MTREX: variants seen among roughly 807,000 people sequenced by gnomAD.
MTREX encodes the protein Mtr4 exosome RNA helicase, also known as exosome RNA helicase MTR4.
A neutral mutation model predicts 135.4 loss-of-function variants in MTREX; 76 were observed. That is an observed-to-expected ratio of 0.56 (90% CI 0.47 to 0.68). The LOEUF (loss-of-function observed/expected upper bound fraction) is 0.68, where lower values mean the gene tolerates loss of function less well. Ranked by LOEUF, MTREX falls within the 30% of genes least tolerant of loss-of-function variation. MTREX has a pLI of 0.00. For missense variants in MTREX, 920 were observed against 1,262.1 expected, an observed-to-expected ratio of 0.73 and a Z score of 4.11; for synonymous variants, 404 against 401.6, an observed-to-expected ratio of 1.01 and a Z score of -0.07.
intron 20 of MTREX, among the ~76,000 whole-genome samples, chr5:55,398,321 T>A (rs1417865016): frequency 6.6e-6 from 1 of 151,620 alleles, no homozygotes; most frequent in Non-Finnish European, 1.5e-5. Context: ...GCATTTACTG[T>A]GCAGTGAAGG....
At chr5:55,308,215 C>T (rs1405560300) in intron 1 of MTREX, 68 bp downstream of exon 1, 13 of 1,497,342 alleles carry the variant, frequency 8.7e-6, no homozygotes, top group Non-Finnish European at 1.1e-5. Flanking sequence ...ACACTACTCT[C>T]TTAGGAAGAG....
At position 55,345,195 on chromosome 5, in the gene MTREX, A is replaced by G; in HGVS notation, c.1107A>G (p.Lys369=). 6.3e-7 allele frequency: 1 copy of G among 1,595,212 alleles called. No individual in the cohort carries two copies. Among genetic ancestry groups the G allele is most frequent in the Non-Finnish European group, 8.6e-7 (1 of 1,163,944 alleles). ...GDQKGRKGGT[K]GPSNVFKIVK... is the part of the protein sequence containing the mutation. ...AGAAAGGGCGGAAAGGAGGAACAAA[A>G]GGTAATTTGGAACTTTGCTTTGAGA... Residue 369 remains lysine (K), a splice_region_variant and synonymous_variant, in exon 10 of 27, where the codon AAA becomes AAG. Transcript: ENST00000230640.
chr5:55,405,580 G>A lies in MTREX; in HGVS notation c.2637G>A (p.Glu879=). ...AGATGAAAGGACGAGTGGCTTGTGA[G>A]ATAAGCAGGTAAAATCTGGTTATTG... ...VIEMKGRVAC[E]ISSADELLLT... is the part of the protein sequence containing the mutation. The change falls in exon 22 of 27, where the codon GAG becomes GAA. Residue 879 remains glutamate (E), a synonymous_variant. Coordinates refer to ENST00000230640, the MANE Select transcript of MTREX (RefSeq NM_015360.5). 1.9e-6 allele frequency: 3 copies of A among 1,610,414 alleles called. No homozygotes were observed. The highest frequency in any genetic ancestry group is 2.5e-6 in the Non-Finnish European group (3 of 1,177,946).
intron 21 of MTREX, among the ~76,000 whole-genome samples, chr5:55,401,196 A>C (rs900137453): frequency 2.6e-5 from 4 of 151,980 alleles, no homozygotes; most frequent in Non-Finnish European, 5.9e-5. Context: ...CACCATGCCC[A>C]GCTAATTTTT....
chr5:55,357,722 C>A lies in MTREX; in HGVS notation c.1534-851C>A, dbSNP rs577140772. Among the ~76,000 whole-genome samples, 6 of 152,256 alleles carry A rather than the reference C, an allele frequency of 3.9e-5. No individual in the cohort carries two copies. The South Asian group carries it at 1.2e-3, about 32-fold the overall frequency. On this transcript the variant is annotated intron_variant, in intron 14 of 26. Transcript: ENST00000230640. The stretch of plus-strand genomic sequence containing the variant: ...GTGGTTTTTAACTCTTTTTGAGTTA[C>A]AGTTTTTTTAAAAGAATCTGGACCC...
At chr5:55,316,461 A>G (rs531966598) in intron 1 of MTREX, among the ~76,000 whole-genome samples, 1 of 152,162 alleles carries the variant, frequency 6.6e-6, no homozygotes, top group African/African-American at 2.4e-5. Flanking sequence ...CATCCCCAGG[A>G]TGCAAGGTTG....
chr5:55,390,918 T>G (rs1342433246), intron 19 of MTREX, among the ~76,000 whole-genome samples: 1 of 152,214 alleles, frequency 6.6e-6, no homozygotes, highest in Non-Finnish European at 1.5e-5. Context: ...GGGGTCAACT[T>G]TGAACGTATT....
chr5:55,358,539 T>C (rs1579868280), intron 14 of MTREX, 34 bp from the exon 15 acceptor site: 2 of 1,549,982 alleles, frequency 1.3e-6, no homozygotes, highest in Non-Finnish European at 1.7e-6. Context: ...CCAGTTTTTT[T>C]CCTAAACTCT....
At chr5:55,322,287 T>C in intron 1 of MTREX, 40 bp from the exon 2 acceptor site, 1 of 1,545,998 alleles carries the variant, frequency 6.5e-7, no homozygotes, top group South Asian at 1.3e-5. Flanking sequence ...AAAGTAAAAG[T>C]GGATACTGCA....
intron 21 of MTREX, among the ~76,000 whole-genome samples, chr5:55,404,003 C>G (rs1750763502): frequency 6.6e-6 from 1 of 152,198 alleles, no homozygotes; most frequent in African/African-American, 2.4e-5. Flanking sequence ...CCTCAGTTTT[C>G]TCATCTGTAA....
intron 15 of MTREX, among the ~76,000 whole-genome samples, chr5:55,364,525 A>G (rs1027658433): frequency 1.3e-5 from 2 of 152,242 alleles, no homozygotes; most frequent in Non-Finnish European, 2.9e-5. Context: ...AAGTAATCAT[A>G]TATTATTGCT....
At position 55,402,967 on chromosome 5, in the gene MTREX, C is replaced by T; in HGVS notation, c.2482-2458C>T. 3.3e-5 allele frequency among the ~76,000 whole-genome samples: 5 copies of T among 151,118 alleles called. 1 individual carries two copies. The Middle Eastern group carries it at 0.017, about 514-fold the overall frequency. On this transcript the variant is annotated intron_variant, in intron 21 of 26. Transcript: ENST00000230640. ...ATCCCAACACTTTGGGAGGCCAAGG[C>T]GGGAAGATCACTTGAAGCCCAGAAG... is the stretch of plus-strand genomic sequence containing the variant.
chr5:55,368,064 T>G (rs1443671094), intron 16 of MTREX, among the ~76,000 whole-genome samples: 2 of 152,246 alleles, frequency 1.3e-5, no homozygotes, highest in African/African-American at 4.8e-5. Context: ...ATGATAATGC[T>G]TATAATTAAT....
At chr5:55,327,438 G>A (rs6876554) in intron 3 of MTREX, 34,547 of 291,024 alleles carry the variant, frequency 0.12, 2,524 homozygotes, top group East Asian at 0.26. Flanking sequence ...TAGTAGTTTC[G>A]ACTTTAAAAA....
chr5:55,398,981 A>T (rs1164548561), intron 20 of MTREX, among the ~76,000 whole-genome samples: 2 of 152,242 alleles, frequency 1.3e-5, no homozygotes, highest in Non-Finnish European at 2.9e-5. Flanking sequence ...TTCACATAAT[A>T]AATAAAGATT....
At chr5:55,334,798 A>G (rs1231648617) in intron 5 of MTREX, among the ~76,000 whole-genome samples, 2 of 152,194 alleles carry the variant, frequency 1.3e-5, no homozygotes, top group East Asian at 1.9e-4. Flanking sequence ...ATACTGATGT[A>G]AACATTCATG....
intron 26 of MTREX, chr5:55,424,224 T>G: frequency 6.6e-6 from 1 of 152,476 alleles, no homozygotes; most frequent in Non-Finnish European, 1.5e-5. Flanking sequence ...CACTGCAACC[T>G]CCACATCCAC....
intron 1 of MTREX, among the ~76,000 whole-genome samples, chr5:55,312,524 C>T (rs1404083137): frequency 6.6e-6 from 1 of 151,962 alleles, no homozygotes; most frequent in African/African-American, 2.4e-5. Flanking sequence ...TTTAATACAT[C>T]CCTGTCGCCA....
intron 1 of MTREX, among the ~76,000 whole-genome samples, chr5:55,319,557 C>T (rs1749253527): frequency 6.6e-6 from 1 of 152,152 alleles, no homozygotes; most frequent in Admixed American, 6.5e-5. Flanking sequence ...GGTGCTCTTT[C>T]TTGTGCTATG....
Sources: allele counts gnomAD v4.1 joint callset (sites outside exome capture counted in the v4.1 genomes callset), GRCh38; gene constraint gnomAD v4.1.1; transcripts MANE v1.5; gene names NCBI Gene and HGNC (gene_info 2026-07-23, HGNC 2026-07-21).